ZBTB20: variants seen among roughly 807,000 people sequenced by gnomAD.
The protein encoded by ZBTB20 is zinc finger and BTB domain-containing protein 20.
ZBTB20 carries 9 observed loss-of-function variants against 56.9 expected under a neutral mutation model. That is an observed-to-expected ratio of 0.16 (90% CI 0.10 to 0.28). The LOEUF (loss-of-function observed/expected upper bound fraction) is 0.28. ZBTB20 is among the 10% of genes least tolerant of loss of function. The pLI is 1.00. For missense variants in ZBTB20, 655 were observed against 1,003.0 expected, an observed-to-expected ratio of 0.65 and a Z score of 4.69; for synonymous variants, 417 against 420.7, an observed-to-expected ratio of 0.99 and a Z score of 0.11.
intron 6 of ZBTB20, among the ~76,000 whole-genome samples, chr3:114,620,539 G>A (rs973071286): frequency 1.3e-5 from 2 of 152,058 alleles, no homozygotes; most frequent in Admixed American, 6.6e-5. Flanking sequence ...TGATCCGCCC[G>A]CCTCGGCCTC....
chr3:114,636,488 G>A (rs1375117647), intron 6 of ZBTB20, among the ~76,000 whole-genome samples: 1 of 151,982 alleles, frequency 6.6e-6, no homozygotes, highest in Non-Finnish European at 1.5e-5. Context: ...TTTGTTAATG[G>A]ATACACAGTA....
rs1429161380 is a variant in ZBTB20 at position 114,335,582 on chromosome 3, A to G, written c.*3423T>C. The G allele has an allele frequency of 6.6e-6, 1 of 152,216 alleles. No homozygotes were observed. The highest frequency in any genetic ancestry group is 1.5e-5 in the Non-Finnish European group (1 of 68,038). The allele number at this position is 152,216 out of a possible 1,614,324, so 9.4% of individuals were successfully genotyped here. A position where few individuals can be genotyped will look rare whatever the true frequency, so the allele number is the denominator to read the frequency against. On this transcript the variant is annotated 3_prime_UTR_variant, in exon 12 of 12. Coordinates refer to ENST00000675478, the MANE Select transcript of ZBTB20 (RefSeq NM_001348800.3). ...TGGGCCAGGAACATAGCAATAAACA[A>G]CTACCTCTTTGCTCCTCCAGATTAG...
chr3:114,501,997 C>T (rs1401118960), intron 6 of ZBTB20, among the ~76,000 whole-genome samples: 13 of 152,000 alleles, frequency 8.6e-5, no homozygotes, highest in Non-Finnish European at 1.5e-4. Context: ...TGTGAGCCAC[C>T]GTGCCCAGAC....
Position 114,538,729 on chromosome 3 carries a change from T to C in ZBTB20, c.-294-38338A>G, listed in dbSNP as rs570391190. On this transcript the variant is annotated intron_variant, in intron 6 of 11. Transcript: ENST00000675478. The stretch of plus-strand genomic sequence containing the variant: ...TGTGTCTGAGCATTCTGTCATCTTA[T>C]TCAAACTGTTGGAGTTAAATCACCT... Among the ~76,000 whole-genome samples, 9 of 152,324 alleles carry C rather than the reference T, an allele frequency of 5.9e-5. No individual in the cohort carries two copies. The South Asian group carries it at 1.4e-3, about 25-fold the overall frequency.
At chr3:115,110,014 A>C (rs1205952019) in intron 1 of ZBTB20, among the ~76,000 whole-genome samples, 3 of 152,182 alleles carry the variant, frequency 2.0e-5, no homozygotes, top group African/African-American at 7.2e-5. Context: ...GTTCGCAACC[A>C]GCCTGGCCAA....
Position 114,333,764 on chromosome 3 carries a change from G to A in ZBTB20, c.*5241C>T, listed in dbSNP as rs994385791. 2.0e-5 allele frequency: 3 copies of A among 152,022 alleles called. No homozygotes were observed. The highest frequency in any genetic ancestry group is 4.4e-5 in the Non-Finnish European group (3 of 68,008). The allele number at this position is 152,022 out of a possible 1,614,324, so 9.4% of individuals were successfully genotyped here. On this transcript the variant is annotated 3_prime_UTR_variant, in exon 12 of 12. Transcript: ENST00000675478. Reference sequence around the variant, plus strand: ...AGGTTTCTCAGAGCCAGAAATCACTGAAAAGAGAGTCTGTCGACCCTGCCC... The same window carrying A: ...AGGTTTCTCAGAGCCAGAAATCACTAAAAAGAGAGTCTGTCGACCCTGCCC...
chr3:114,569,302 G>A (rs1329927327), intron 6 of ZBTB20, among the ~76,000 whole-genome samples: 1 of 152,172 alleles, frequency 6.6e-6, no homozygotes, highest in African/African-American at 2.4e-5. Context: ...TGGATAGATG[G>A]GAATTCCCAG....
intron 4 of ZBTB20, among the ~76,000 whole-genome samples, chr3:114,830,183 A>G (rs1422835860): frequency 1.3e-5 from 2 of 151,922 alleles, no homozygotes; most frequent in African/African-American, 4.8e-5. Flanking sequence ...ATACTGAAAT[A>G]AGAGTGCAGG....
rs200878565 is a variant in ZBTB20 at position 114,338,651 on chromosome 3, A to ATT, written c.*352_*353dup. The ATT allele has an allele frequency of 6.5e-5, 10 of 154,728 alleles. No individual in the cohort carries two copies. Among genetic ancestry groups the ATT allele is most frequent in the East Asian group, 3.5e-4 (2 of 5,740 alleles). The allele number at this position is 154,728 out of a possible 1,614,324, so 9.6% of individuals were successfully genotyped here. A position where few individuals can be genotyped will look rare whatever the true frequency, so the allele number is the denominator to read the frequency against. ...TTTGTAGTGCTCTTCACAAGTGGAA[A>ATT]TTTTTTTTTTTTTTTTACTTTTTTT... On this transcript the variant is annotated 3_prime_UTR_variant, in exon 12 of 12. Coordinates refer to ENST00000675478, the MANE Select transcript of ZBTB20 (RefSeq NM_001348800.3).
At chr3:115,025,578 G>GA (rs2080390471) in intron 2 of ZBTB20, among the ~76,000 whole-genome samples, 1 of 150,702 alleles carries the variant, frequency 6.6e-6, no homozygotes, top group African/African-American at 2.4e-5. Context: ...CATATATCAA[G>GA]AAAAAATGAT....
chr3:114,657,156 C>CT, intron 6 of ZBTB20, among the ~76,000 whole-genome samples: 1 of 152,304 alleles, frequency 6.6e-6, no homozygotes, highest in East Asian at 1.9e-4. Context: ...TTATCTTTCT[C>CT]TAATGCAATG....
At chr3:115,005,861 T>C (rs879816824) in intron 2 of ZBTB20, among the ~76,000 whole-genome samples, 1 of 151,850 alleles carries the variant, frequency 6.6e-6, no homozygotes, top group Admixed American at 6.6e-5. Flanking sequence ...CATACTTCCC[T>C]GGCTTCCCAT....
intron 6 of ZBTB20, among the ~76,000 whole-genome samples, chr3:114,683,358 G>A (rs1417295211): frequency 6.6e-6 from 1 of 152,140 alleles, no homozygotes; most frequent in African/African-American, 2.4e-5. Context: ...TCTCATGGAA[G>A]GTGGGAATCA....
intron 1 of ZBTB20, among the ~76,000 whole-genome samples, chr3:115,132,759 T>C (rs372695732): frequency 2.0e-5 from 3 of 151,974 alleles, no homozygotes; most frequent in East Asian, 3.9e-4. Flanking sequence ...AGTGAGATCC[T>C]GTCTCAAAAT....
chr3:114,675,247 G>C (rs2108204003), intron 6 of ZBTB20, among the ~76,000 whole-genome samples: 1 of 149,976 alleles, frequency 6.7e-6, no homozygotes, highest in South Asian at 2.1e-4. Context: ...TTGTCTGAAA[G>C]ACACAGCTTG....
chr3:114,748,322 CTT>C (rs149305083), intron 5 of ZBTB20, among the ~76,000 whole-genome samples: 3 of 114,134 alleles, frequency 2.6e-5, no homozygotes, highest in Admixed American at 8.9e-5. Context: ...TTCTTTCTTT[CTT>C]TCTTTCTTTC....
chr3:114,854,892 C>T (rs1330289472), intron 4 of ZBTB20, among the ~76,000 whole-genome samples: 3 of 152,164 alleles, frequency 2.0e-5, no homozygotes, highest in African/African-American at 7.2e-5. Flanking sequence ...AAGACTCTAG[C>T]TTCCTTAAAA....
intron 6 of ZBTB20, among the ~76,000 whole-genome samples, chr3:114,573,692 T>C (rs1245804976): frequency 6.6e-6 from 1 of 151,976 alleles, no homozygotes; most frequent in Non-Finnish European, 1.5e-5. Flanking sequence ...AAAAAGAAAT[T>C]ATGAAATATG....
chr3:114,564,243 T>A (rs2052447606), intron 6 of ZBTB20, among the ~76,000 whole-genome samples: 1 of 152,070 alleles, frequency 6.6e-6, no homozygotes, highest in Non-Finnish European at 1.5e-5. Flanking sequence ...TCTGGCATAA[T>A]CTTCCCATCT....
Sources: allele counts gnomAD v4.1 joint callset (sites outside exome capture counted in the v4.1 genomes callset), GRCh38; gene constraint gnomAD v4.1.1; transcripts MANE v1.5; gene names NCBI Gene and HGNC (gene_info 2026-07-23, HGNC 2026-07-21).